Variants in N4BP2 observed in about 807,000 individuals in gnomAD.
N4BP2 encodes the protein NEDD4-binding protein 2.
In N4BP2, 91 loss-of-function variants were observed where a neutral mutation model predicts 152.8. The observed-to-expected ratio is 0.60, with a 90% CI of 0.50 to 0.71. N4BP2 has a LOEUF of 0.71. N4BP2 is among the 30% of genes least tolerant of loss of function. N4BP2 has a pLI of 0.00. For synonymous variants in N4BP2, 646 were observed against 705.3 expected, an observed-to-expected ratio of 0.92 and a Z score of 1.33; for missense variants, 1,923 against 2,059.1, an observed-to-expected ratio of 0.93 and a Z score of 1.28.
chr4:40,106,886 T>A lies in N4BP2; in HGVS notation c.1374-14T>A, dbSNP rs745804294. Reference sequence around the variant, plus strand: ...AGAAAAGGTAATGAAAATTATTTCATTTATCTTTCACAGGACTTTGCAAGA... The same window carrying A: ...AGAAAAGGTAATGAAAATTATTTCAATTATCTTTCACAGGACTTTGCAAGA... On this transcript the variant is annotated splice_polypyrimidine_tract_variant and intron_variant, in intron 4 of 17. Transcript: ENST00000261435. 3 of 1,576,768 alleles carry A rather than the reference T, an allele frequency of 1.9e-6. No homozygotes were observed. The highest frequency in any genetic ancestry group is 1.4e-5 in the African/African-American group (1 of 73,236).
At chr4:40,115,721 GTA>G (rs1036853822) in intron 7 of N4BP2, among the ~76,000 whole-genome samples, 28 of 152,274 alleles carry the variant, frequency 1.8e-4, no homozygotes, top group African/African-American at 6.7e-4. Context: ...GTCAGGTTGT[GTA>G]GTTTGTATGA....
chr4:40,092,588 T>C (rs776020351), intron 2 of N4BP2, among the ~76,000 whole-genome samples: 4 of 152,070 alleles, frequency 2.6e-5, no homozygotes, highest in Non-Finnish European at 4.4e-5. Flanking sequence ...ATTTATTTCA[T>C]TGAATTTTCT....
chr4:40,142,196 C>G (rs957047701), intron 14 of N4BP2: 5 of 231,134 alleles, frequency 2.2e-5, no homozygotes, highest in Non-Finnish European at 4.4e-5. Context: ...TCACTTCAGC[C>G]TCTGCACTTA....
rs1717079935 is a variant in N4BP2, at chr4:40,113,474, A to G, written c.1630A>G (p.Thr544Ala). Residue 544 changes from threonine (T) to alanine (A), a missense_variant, in exon 7 of 18, where the codon ACA becomes GCA. Physicochemically the swap from Thr to Ala is moderately conservative, Grantham distance 58. Coordinates refer to ENST00000261435, the MANE Select transcript of N4BP2 (RefSeq NM_018177.6). ...TAAAGTCCTTTTTCGGGAACCAGAC[A>G]CATGGTGGAAGTTTAAACCAAAGGA... is the stretch of plus-strand genomic sequence containing the variant. ...KYKVLFREPD[T>A]WWKFKPKELA... 6.2e-7 allele frequency: 1 copy of G among 1,613,678 alleles called. No homozygotes were observed.
chr4:40,092,201 T>C (rs1714672103), intron 2 of N4BP2, among the ~76,000 whole-genome samples: 1 of 150,354 alleles, frequency 6.7e-6, no homozygotes, highest in Admixed American at 6.6e-5. Flanking sequence ...TCTTATTTTC[T>C]GGAAGAGATT....
intron 2 of N4BP2, among the ~76,000 whole-genome samples, chr4:40,091,798 G>T (rs1714572669): frequency 6.8e-6 from 1 of 146,818 alleles, no homozygotes. Flanking sequence ...TTGTAGAGTT[G>T]AGGTCTCACT....
intron 6 of N4BP2, among the ~76,000 whole-genome samples, 178 bp downstream of exon 6, chr4:40,112,350 ATAAAGT>A (rs1447279615): frequency 3.4e-4 from 51 of 152,210 alleles, no homozygotes; most frequent in Non-Finnish European, 4.4e-5. Context: ...GAGTTTTTCC[ATAAAGT>A]TAAAGTTTTA....
the N4BP2 span, among the ~76,000 whole-genome samples, chr4:40,172,836 C>A: frequency 1.3e-5 from 2 of 152,168 alleles, no homozygotes; most frequent in East Asian, 3.8e-4. Context: ...TTTATAATAT[C>A]TTAAAATCTC....
intron 1 of N4BP2, among the ~76,000 whole-genome samples, chr4:40,073,123 G>A (rs1712377622): frequency 6.6e-6 from 1 of 151,998 alleles, no homozygotes; most frequent in African/African-American, 2.4e-5. Flanking sequence ...ATTAGTTTTG[G>A]GTTCTGTTGT....
At chr4:40,163,920 GC>G in the N4BP2 span, among the ~76,000 whole-genome samples, 2 of 152,222 alleles carry the variant, frequency 1.3e-5, no homozygotes, top group African/African-American at 4.8e-5. Context: ...TAATAGCAGA[GC>G]CGGGTTTCAG....
intron 2 of N4BP2, among the ~76,000 whole-genome samples, chr4:40,089,434 C>T (rs1714315728): frequency 1.6e-5 from 2 of 128,130 alleles, no homozygotes; most frequent in Non-Finnish European, 3.3e-5. Flanking sequence ...ATCAGTTTTG[C>T]CTTTTTTTTT....
intron 1 of N4BP2, chr4:40,057,235 T>G (rs1302990615): frequency 6.6e-6 from 1 of 152,132 alleles, no homozygotes; most frequent in African/African-American, 2.4e-5. Context: ...GGAAGGGAAG[T>G]GAGGCGTCGG....
Position 40,106,975 on chromosome 4 carries a change from G to C in N4BP2, c.1449G>C (p.Gln483His). The change falls in exon 5 of 18, where the codon CAG becomes CAC. Residue 483 changes from glutamine to histidine, a missense_variant. Gln to His is a conservative substitution (Grantham distance 24). Transcript: ENST00000261435. ...DDYFYINGQY[Q>H]FDVKYLGEAH... ...ATTTTTATATAAATGGACAGTACCA[G>C]TTTGATGTAAAGTACTTAGGAGAAG... 3 of 1,613,470 alleles carry C rather than the reference G, an allele frequency of 1.9e-6. No homozygotes were observed. Among genetic ancestry groups the C allele is most frequent in the Non-Finnish European group, 2.5e-6 (3 of 1,179,486 alleles).
the N4BP2 span, among the ~76,000 whole-genome samples, chr4:40,190,256 T>C: frequency 1.3e-5 from 2 of 152,212 alleles, no homozygotes; most frequent in Non-Finnish European, 2.9e-5. Flanking sequence ...ATAAGTATTA[T>C]AGCAAGTGTT....
the N4BP2 span, among the ~76,000 whole-genome samples, chr4:40,181,214 C>A: frequency 1.3e-5 from 2 of 152,130 alleles, no homozygotes; most frequent in African/African-American, 2.4e-5. Flanking sequence ...CTAAAATAGT[C>A]ATTGGTGGCT....
intron 16 of N4BP2, among the ~76,000 whole-genome samples, chr4:40,146,124 C>T (rs189176780): frequency 6.6e-6 from 1 of 152,106 alleles, no homozygotes; most frequent in Non-Finnish European, 1.5e-5. Context: ...GATCACGCCA[C>T]TGCCCTCCAG....
the N4BP2 span, among the ~76,000 whole-genome samples, chr4:40,189,921 T>TACACACACACAC: frequency 1.3e-5 from 2 of 149,240 alleles, no homozygotes; most frequent in South Asian, 4.2e-4. This position sits in a 1 kb window ranked among gnomAD's most constrained non-coding sequence, Gnocchi z 4.3. Context: ...CACAGACACA[T>TACACACACACAC]ACACACACAC....
At chr4:40,147,671 C>T (rs1178334373) in intron 16 of N4BP2, among the ~76,000 whole-genome samples, 3 of 150,822 alleles carry the variant, frequency 2.0e-5, no homozygotes, top group Non-Finnish European at 4.4e-5. Context: ...GGCGGCTGGC[C>T]GGGTGGGGGC....
chr4:40,066,320 CTTTTTTTTT>C (rs11384930), intron 1 of N4BP2, among the ~76,000 whole-genome samples: 1 of 129,068 alleles, frequency 7.7e-6, no homozygotes, highest in Non-Finnish European at 1.6e-5. Flanking sequence ...GTGATTTTCC[CTTTTTTTTT>C]TTTTTTTGAG....
Sources: allele counts gnomAD v4.1 joint callset (sites outside exome capture counted in the v4.1 genomes callset), GRCh38; gene constraint gnomAD v4.1.1; non-coding constraint Gnocchi (gnomAD v3.1); transcripts MANE v1.5; gene names NCBI Gene and HGNC (gene_info 2026-07-23, HGNC 2026-07-21).